LEKR1: variants seen among roughly 807,000 people sequenced by gnomAD.
LEKR1 encodes the protein leucine, glutamate and lysine rich 1.
A neutral mutation model predicts 72.4 loss-of-function variants in LEKR1; 59 were observed. The ratio of observed to expected loss-of-function variants is 0.82; its 90% CI spans 0.66 to 1.01. LEKR1 has a LOEUF of 1.01. LEKR1 is among the 50% of genes least tolerant of loss of function. The probability of loss-of-function intolerance (pLI) is 0.00; values close to 1 mark genes in which losing one functional copy is unlikely to be tolerated. For synonymous variants in LEKR1, 257 were observed against 263.2 expected (o/e 0.98, Z 0.23); for missense variants, 728 against 759.2 (o/e 0.96, Z 0.48).
intron 12 of LEKR1, among the ~76,000 whole-genome samples, chr3:157,040,882 C>T (rs1207061751): frequency 1.3e-5 from 2 of 152,092 alleles, no homozygotes; most frequent in Non-Finnish European, 2.9e-5. Context: ...GGAGTCTTAC[C>T]TTCAGAACAA....
At chr3:156,911,908 T>C (rs1278478505) in intron 3 of LEKR1, among the ~76,000 whole-genome samples, 1 of 152,152 alleles carries the variant, frequency 6.6e-6, no homozygotes, top group Admixed American at 6.5e-5. Context: ...TACTGTAGCC[T>C]TATGGTATAG....
chr3:156,947,261 C>CT (rs1471957630), intron 6 of LEKR1, among the ~76,000 whole-genome samples: 1 of 151,050 alleles, frequency 6.6e-6, no homozygotes, highest in Non-Finnish European at 1.5e-5. Flanking sequence ...TCTTGTACTG[C>CT]TTTTGCTGGA....
intron 3 of LEKR1, among the ~76,000 whole-genome samples, chr3:156,858,420 C>A (rs1336430565): frequency 6.6e-6 from 1 of 151,992 alleles, no homozygotes; most frequent in East Asian, 1.9e-4. Flanking sequence ...CGCTTGTAAT[C>A]CCAGCACTTT....
At chr3:156,850,942 A>G (rs1187908771) in intron 2 of LEKR1, among the ~76,000 whole-genome samples, 4 of 152,206 alleles carry the variant, frequency 2.6e-5, no homozygotes, top group Non-Finnish European at 4.4e-5. Flanking sequence ...AAAGCCAGTT[A>G]TAGTATATAA....
chr3:156,843,476 A>G (rs1714190197), intron 2 of LEKR1, among the ~76,000 whole-genome samples: 1 of 148,474 alleles, frequency 6.7e-6, no homozygotes, highest in Non-Finnish European at 1.5e-5. Context: ...ACACAAAAGT[A>G]AAAAAAAAGA....
chr3:156,976,266 T>G (rs1729679791), intron 6 of LEKR1, among the ~76,000 whole-genome samples: 1 of 152,170 alleles, frequency 6.6e-6, no homozygotes, highest in South Asian at 2.1e-4. Context: ...TAAAATTACA[T>G]ATCAAGTACC....
chr3:156,829,497 T>G, intron 2 of LEKR1, 120 bp downstream of exon 2: 2 of 584,396 alleles, frequency 3.4e-6, no homozygotes, highest in South Asian at 4.7e-5. Flanking sequence ...ATTGGTGGAG[T>G]GGGAGAGGGA....
chr3:156,828,345 GTC>G (rs1423612793), intron 1 of LEKR1, among the ~76,000 whole-genome samples: 1 of 152,172 alleles, frequency 6.6e-6, no homozygotes, highest in Admixed American at 6.5e-5. Flanking sequence ...TGCTTCTCCA[GTC>G]TCTTGTCAAA....
chr3:157,007,798 T>C (rs1732578177), intron 9 of LEKR1, among the ~76,000 whole-genome samples: 1 of 152,064 alleles, frequency 6.6e-6, no homozygotes, highest in Non-Finnish European at 1.5e-5. Flanking sequence ...CCAAGAAAAA[T>C]AAACTTTGAT....
rs112322979 is a variant in LEKR1 at position 157,027,005 on chromosome 3, C to T, written c.1369-1098C>T. Among the ~76,000 whole-genome samples, 223 of 152,134 alleles carry T rather than the reference C, an allele frequency of 1.5e-3. 1 individual carries two copies. The highest frequency in any genetic ancestry group is 5.1e-3 in the African/African-American group (212 of 41,504). On this transcript the variant is annotated intron_variant, in intron 11 of 12. Transcript: ENST00000356539. ...AAGTGTTTTCTACAACTGTGCTGTCCGTCATGATAGCCACATGTGGCTGCA... is the reference window on the plus strand; with the variant it reads ...AAGTGTTTTCTACAACTGTGCTGTCTGTCATGATAGCCACATGTGGCTGCA...
At chr3:156,828,693 C>T (rs911453816) in intron 1 of LEKR1, among the ~76,000 whole-genome samples, 12 of 151,992 alleles carry the variant, frequency 7.9e-5, no homozygotes, top group Admixed American at 6.6e-4. Context: ...AAAAGAAAAT[C>T]TGTTAAAAGT....
intron 3 of LEKR1, among the ~76,000 whole-genome samples, chr3:156,874,702 C>T (rs753625988): frequency 1.3e-5 from 2 of 152,096 alleles, no homozygotes; most frequent in Non-Finnish European, 2.9e-5. Context: ...GCTCTTCCCC[C>T]CAAGTTCCCT....
intron 3 of LEKR1, among the ~76,000 whole-genome samples, chr3:156,889,086 AG>A (rs974599820): frequency 6.6e-6 from 1 of 152,068 alleles, no homozygotes; most frequent in Non-Finnish European, 1.5e-5. Flanking sequence ...CCTCTTTTAA[AG>A]AAAAAAGTTG....
At chr3:156,924,588 T>G (rs893964821) in intron 4 of LEKR1, 2 of 628,100 alleles carry the variant, frequency 3.2e-6, no homozygotes, top group Admixed American at 5.1e-5. Context: ...TAGTTTTAGC[T>G]CTTCTTTAGA....
At chr3:156,870,391 A>T (rs1343921763) in intron 3 of LEKR1, among the ~76,000 whole-genome samples, 1 of 151,676 alleles carries the variant, frequency 6.6e-6, no homozygotes, top group African/African-American at 2.4e-5. Flanking sequence ...TGTTTTGTTC[A>T]CCTTGTAAAG....
intron 6 of LEKR1, among the ~76,000 whole-genome samples, chr3:156,974,472 C>T (rs960577407): frequency 3.9e-5 from 6 of 152,060 alleles, no homozygotes; most frequent in South Asian, 2.1e-4. Flanking sequence ...AAACTGACAA[C>T]GCTCCTTGTT....
At chr3:156,917,773 A>G (rs1354498060) in intron 3 of LEKR1, among the ~76,000 whole-genome samples, 1 of 152,138 alleles carries the variant, frequency 6.6e-6, no homozygotes, top group Non-Finnish European at 1.5e-5. Context: ...AGAAGGAATA[A>G]AACTTTGGAA....
intron 2 of LEKR1, among the ~76,000 whole-genome samples, chr3:156,849,686 G>A (rs1377182836): frequency 2.6e-5 from 4 of 152,164 alleles, no homozygotes; most frequent in Non-Finnish European, 2.9e-5. Flanking sequence ...AAATGATGCT[G>A]GGAAAACTGG....
intron 6 of LEKR1, among the ~76,000 whole-genome samples, chr3:156,951,342 C>T (rs1028476802): frequency 6.6e-6 from 1 of 151,568 alleles, no homozygotes; most frequent in Non-Finnish European, 1.5e-5. Context: ...GTGTCTCTGC[C>T]AGGTCTTGGT....
Sources: gnomAD v4.1 joint callset for allele counts (sites outside exome capture counted in the v4.1 genomes callset) on GRCh38, gnomAD v4.1.1 for gene constraint, MANE v1.5 for transcripts, NCBI Gene and HGNC (gene_info 2026-07-23, HGNC 2026-07-21) for gene names.